Variants in CTNNA3 observed in about 807,000 individuals in gnomAD.
The protein encoded by CTNNA3 is catenin alpha 3.
Under a neutral mutation model 95.7 loss-of-function variants are expected in CTNNA3, and 76 were observed. The ratio of observed to expected loss-of-function variants is 0.79; its 90% CI spans 0.66 to 0.96. The LOEUF is 0.96. CTNNA3 is among the 40% of genes least tolerant of loss of function. The pLI, the probability that CTNNA3 is intolerant of heterozygous loss-of-function variation, is 0.00. For missense variants in CTNNA3, 1,191 were observed against 1,089.8 expected, an observed-to-expected ratio of 1.09 and a Z score of -1.31; for synonymous variants, 431 against 374.4, an observed-to-expected ratio of 1.15 and a Z score of -1.74.
intron 11 of CTNNA3, among the ~76,000 whole-genome samples, chr10:66,461,649 G>A (rs942359717): frequency 1.9e-4 from 29 of 148,804 alleles, no homozygotes; most frequent in African/African-American, 7.2e-4. Context: ...TATTTCACAT[G>A]TAGAGCTTCA....
At chr10:66,937,617 T>G (rs1219792753) in intron 7 of CTNNA3, among the ~76,000 whole-genome samples, 1 of 151,998 alleles carries the variant, frequency 6.6e-6, no homozygotes, top group African/African-American at 2.4e-5. Flanking sequence ...TACTGAAGAG[T>G]GATGGTAGTA....
chr10:67,027,571 A>G (rs1196239521), intron 7 of CTNNA3, among the ~76,000 whole-genome samples: 1 of 151,700 alleles, frequency 6.6e-6, no homozygotes, highest in Non-Finnish European at 1.5e-5. Flanking sequence ...AGTAGCTGAG[A>G]CTAAACATGT....
intron 3 of CTNNA3, among the ~76,000 whole-genome samples, chr10:67,575,386 A>G (rs935814900): frequency 6.6e-6 from 1 of 151,654 alleles, no homozygotes; most frequent in African/African-American, 2.4e-5. Context: ...TATTTATCCT[A>G]TGTCTTTCTG....
intron 4 of CTNNA3, among the ~76,000 whole-genome samples, chr10:67,535,749 AT>A (rs1319446347): frequency 6.6e-6 from 1 of 152,116 alleles, no homozygotes; most frequent in Non-Finnish European, 1.5e-5. Context: ...TACAGAGATG[AT>A]TTGGGGGACT....
At chr10:66,578,713 G>C (rs150360243) in intron 10 of CTNNA3, among the ~76,000 whole-genome samples, 3 of 151,084 alleles carry the variant, frequency 2.0e-5, no homozygotes, top group African/African-American at 7.3e-5. Context: ...GTTAGATTCA[G>C]TTTACTAGTA....
intron 1 of CTNNA3, among the ~76,000 whole-genome samples, chr10:67,681,634 A>G (rs1004738322): frequency 1.3e-5 from 2 of 152,034 alleles, no homozygotes; most frequent in African/African-American, 4.8e-5. Flanking sequence ...TTTTTAAAGT[A>G]TGTATAATAA....
chr10:66,808,735 A>G (rs941372754), intron 7 of CTNNA3, among the ~76,000 whole-genome samples: 3 of 152,126 alleles, frequency 2.0e-5, no homozygotes, highest in African/African-American at 7.2e-5. Context: ...TCCAATAGTT[A>G]CTTAGCAGCC....
rs912803747 is a variant in CTNNA3 at position 67,711,881 on chromosome 10, A to G, written c.-2+51553T>C. Reference sequence around the variant, plus strand: ...AGTTTACTGAGAATGATGATTTCCAATTTCATCCATGTCCCTACAAAGGAC... The same window carrying G: ...AGTTTACTGAGAATGATGATTTCCAGTTTCATCCATGTCCCTACAAAGGAC... On this transcript the variant is annotated intron_variant, in intron 1 of 17. Coordinates refer to the CTNNA3 transcript ENST00000684154. 8.6e-5 allele frequency among the ~76,000 whole-genome samples: 13 copies of G among 151,658 alleles called. 1 individual carries two copies. Among genetic ancestry groups the G allele is most frequent in the African/African-American group, 2.7e-4 (11 of 41,346 alleles).
chr10:66,900,102 G>A (rs777382711), intron 7 of CTNNA3, among the ~76,000 whole-genome samples: 8 of 152,082 alleles, frequency 5.3e-5, no homozygotes, highest in African/African-American at 1.4e-4. Context: ...AGTAGGGGCC[G>A]ACAGACAACT....
intron 11 of CTNNA3, among the ~76,000 whole-genome samples, chr10:66,516,135 C>CA (rs983323137): frequency 5.4e-5 from 8 of 148,746 alleles, no homozygotes; most frequent in Admixed American, 1.3e-4. Context: ...TAGGCTGGTA[C>CA]AAAAAAGATC....
chr10:66,543,606 A>T (rs1017192678), intron 10 of CTNNA3, among the ~76,000 whole-genome samples: 2 of 152,024 alleles, frequency 1.3e-5, no homozygotes, highest in African/African-American at 4.8e-5. Flanking sequence ...AGAAATTACA[A>T]GAAATTTCTA....
chr10:67,595,338 T>A (rs772803751), intron 3 of CTNNA3, among the ~76,000 whole-genome samples: 1 of 152,342 alleles, frequency 6.6e-6, no homozygotes, highest in African/African-American at 2.4e-5. Context: ...ATTGTATCTT[T>A]GTTTTCATTT....
intron 4 of CTNNA3, among the ~76,000 whole-genome samples, chr10:67,534,279 G>A (rs2133190896): frequency 6.6e-6 from 1 of 152,226 alleles, no homozygotes; most frequent in African/African-American, 2.4e-5. Flanking sequence ...GGATTGGGGA[G>A]TGTGATGGCT....
intron 7 of CTNNA3, among the ~76,000 whole-genome samples, chr10:66,899,075 A>G (rs1459740580): frequency 2.0e-5 from 3 of 152,250 alleles, no homozygotes; most frequent in Non-Finnish European, 4.4e-5. Flanking sequence ...CATTTCTTCA[A>G]AGAACACATA....
intron 7 of CTNNA3, among the ~76,000 whole-genome samples, chr10:66,796,484 A>C (rs907166100): frequency 6.6e-6 from 1 of 152,056 alleles, no homozygotes; most frequent in African/African-American, 2.4e-5. Context: ...CTGATCACAG[A>C]CCACTGTAAC....
chr10:67,023,463 C>A (rs190216135), intron 7 of CTNNA3, among the ~76,000 whole-genome samples: 1 of 152,070 alleles, frequency 6.6e-6, no homozygotes, highest in South Asian at 2.1e-4. Context: ...CTATAGAGAA[C>A]GATGACTAAA....
At chr10:66,019,631 C>T (rs1034013821) in intron 15 of CTNNA3, among the ~76,000 whole-genome samples, 2 of 151,914 alleles carry the variant, frequency 1.3e-5, no homozygotes, top group Admixed American at 6.6e-5. Flanking sequence ...TCTAAGTAAA[C>T]ATAGGACTAC....
chr10:67,591,363 C>A (rs1842782907), intron 3 of CTNNA3, among the ~76,000 whole-genome samples: 2 of 151,296 alleles, frequency 1.3e-5, no homozygotes, highest in African/African-American at 2.4e-5. Flanking sequence ...CTTAAGAAAC[C>A]AAAAGGAAAA....
intron 5 of CTNNA3, among the ~76,000 whole-genome samples, chr10:67,455,373 C>A (rs527659870): frequency 6.6e-6 from 1 of 152,012 alleles, no homozygotes; most frequent in Non-Finnish European, 1.5e-5. Context: ...TGTTGGGATA[C>A]CGAAGAATTC....
Sources: gnomAD v4.1 joint callset for allele counts (sites outside exome capture counted in the v4.1 genomes callset) on GRCh38, gnomAD v4.1.1 for gene constraint, MANE v1.5 for transcripts, NCBI Gene and HGNC (gene_info 2026-07-23, HGNC 2026-07-21) for gene names.